The following MYO18B variants were observed in gnomAD, a reference collection of about 807,000 sequenced individuals.
MYO18B encodes the protein myosin XVIIIB.
In MYO18B, 204 loss-of-function variants were observed where a neutral mutation model predicts 273.0. That is an observed-to-expected ratio of 0.75 (90% CI 0.67 to 0.84). MYO18B has a LOEUF of 0.84. Ranked by LOEUF, MYO18B falls within the 40% of genes least tolerant of loss-of-function variation. The pLI, the probability that MYO18B is intolerant of heterozygous loss-of-function variation, is 0.00. For synonymous variants in MYO18B, 1,330 were observed against 1,305.7 expected, an observed-to-expected ratio of 1.02 and a Z score of -0.40; for missense variants, 3,212 against 3,287.6, an observed-to-expected ratio of 0.98 and a Z score of 0.56.
rs139515811 is a variant in MYO18B, at chr22:25,921,264, A to T, written c.5372A>T (p.His1791Leu). ...LIGTLCDQIG[H>L]RDFDVEKRLR... ...TCTCCCTTTGGCTTTCAGATTGGCC[A>T]TCGGGACTTTGATGTGGAGAAGCGA... Residue 1791 changes from histidine to leucine, a missense_variant, in exon 34 of 44, where the codon CAT becomes CTT. Transcript: ENST00000335473. 2 of 1,551,702 alleles carry T rather than the reference A, an allele frequency of 1.3e-6. No homozygotes were observed. Among genetic ancestry groups the T allele is most frequent in the African/African-American group, 2.7e-5 (2 of 73,192 alleles).
chr22:25,964,358 A>G (rs535986222), intron 39 of MYO18B: 2 of 152,312 alleles, frequency 1.3e-5, no homozygotes, highest in East Asian at 1.9e-4. Flanking sequence ...AGGTGAAGCA[A>G]TTTCTCCAAA....
intron 34 of MYO18B, among the ~76,000 whole-genome samples, chr22:25,924,698 G>A (rs1455517724): frequency 6.6e-6 from 1 of 152,188 alleles, no homozygotes; most frequent in Admixed American, 6.5e-5. Context: ...GAGGTTGTGA[G>A]CGAAGCGTGA....
chr22:25,863,136 T>C (rs971299636), intron 21 of MYO18B, among the ~76,000 whole-genome samples: 2 of 152,222 alleles, frequency 1.3e-5, no homozygotes, highest in Admixed American at 1.3e-4. Flanking sequence ...TTAATTTACT[T>C]TTCAAATGAA....
At chr22:25,929,249 G>A (rs535871920) in intron 34 of MYO18B, among the ~76,000 whole-genome samples, 3 of 151,828 alleles carry the variant, frequency 2.0e-5, no homozygotes, top group African/African-American at 7.3e-5. Flanking sequence ...GTCAGCTATT[G>A]GAAGATTTTA....
In MYO18B at chr22:25,763,434, A is replaced by G. The variant is rs370765615; in HGVS notation, c.198+45A>G. The G allele has an allele frequency of 2.3e-4, 355 of 1,577,394 alleles. No homozygotes were observed. The African/African-American group carries it at 4.6e-3, about 20-fold the overall frequency. On this transcript the variant is annotated intron_variant, in intron 3 of 43. Coordinates refer to ENST00000335473, the MANE Select transcript of MYO18B (RefSeq NM_032608.7). ...GAGGACCGTATGCGTTTCCATACCC[A>G]TCATTCTGTCTTGTGAGCTTCCTCT...
chr22:25,800,820 A>G (rs1440650890), intron 12 of MYO18B, among the ~76,000 whole-genome samples: 1 of 152,196 alleles, frequency 6.6e-6, no homozygotes, highest in Non-Finnish European at 1.5e-5. Flanking sequence ...GGGCTCAAGG[A>G]CCTGACCCAT....
the MYO18B span, among the ~76,000 whole-genome samples, chr22:26,041,820 A>G: frequency 6.6e-6 from 1 of 152,184 alleles, no homozygotes; most frequent in Non-Finnish European, 1.5e-5. Flanking sequence ...GGAAAGTTGG[A>G]ATGGAGAAAT....
At chr22:25,759,510 G>A (rs2086234627) in intron 1 of MYO18B, among the ~76,000 whole-genome samples, 1 of 152,114 alleles carries the variant, frequency 6.6e-6, no homozygotes, top group Non-Finnish European at 1.5e-5. Flanking sequence ...CACACACTGG[G>A]GCCTGTCGAG....
intron 25 of MYO18B, among the ~76,000 whole-genome samples, chr22:25,888,208 C>G (rs73407532): frequency 0.02 from 3,104 of 152,176 alleles, 114 homozygotes; most frequent in African/African-American, 0.069. Context: ...ATGTAGATTC[C>G]TGAATTATGC....
chr22:25,769,818 A>C (rs904924989), intron 4 of MYO18B, among the ~76,000 whole-genome samples: 1 of 152,092 alleles, frequency 6.6e-6, no homozygotes, highest in Non-Finnish European at 1.5e-5. Context: ...CTCTCATTTC[A>C]AAGGCCAGGA....
At chr22:25,839,609 G>A (rs927951503) in intron 17 of MYO18B, among the ~76,000 whole-genome samples, 3 of 152,138 alleles carry the variant, frequency 2.0e-5, no homozygotes, top group East Asian at 1.9e-4. Flanking sequence ...CCCTATAGGC[G>A]CCGAGCACAG....
chr22:25,822,306 G>C (rs2089312191), intron 12 of MYO18B, among the ~76,000 whole-genome samples: 1 of 152,172 alleles, frequency 6.6e-6, no homozygotes, highest in Non-Finnish European at 1.5e-5. Flanking sequence ...CACGTCTTCA[G>C]ATAGAACCCA....
At chr22:25,851,335 G>A (rs1473631647) in intron 20 of MYO18B, 135 bp from the exon 21 acceptor site, 25 of 633,770 alleles carry the variant, frequency 3.9e-5, no homozygotes, top group Non-Finnish European at 6.8e-5. Flanking sequence ...GGTCCCAAGA[G>A]ATGAGTCCAT....
chr22:26,061,997 A>G, the MYO18B span, among the ~76,000 whole-genome samples: 5 of 152,360 alleles, frequency 3.3e-5, 1 homozygote, highest in Admixed American at 2.6e-4. Flanking sequence ...ATAAGAGGCA[A>G]TTGAGACAGC....
chr22:25,794,740 A>G (rs1443504073), intron 11 of MYO18B, among the ~76,000 whole-genome samples: 6 of 148,318 alleles, frequency 4.0e-5, no homozygotes, highest in Non-Finnish European at 7.5e-5. Context: ...TCCTGACCTC[A>G]TGATCCATCC....
At chr22:25,889,002 G>A (rs1244006401) in intron 25 of MYO18B, among the ~76,000 whole-genome samples, 4 of 151,760 alleles carry the variant, frequency 2.6e-5, no homozygotes, top group Admixed American at 6.6e-5. Context: ...GTACAGAAAT[G>A]CATCACAAGA....
chr22:25,947,782 A>G lies in MYO18B; in HGVS notation c.5702A>G (p.Asp1901Gly), dbSNP rs2092732473. 6.2e-7 allele frequency: 1 copy of G among 1,613,940 alleles called. No homozygotes were observed. The highest frequency in any genetic ancestry group is 8.5e-7 in the Non-Finnish European group (1 of 1,179,886). ...DLLKRIDEDQ[D>G]DLNELMQKHK... ...CTGAAGCGCATCGATGAGGACCAGG[A>G]TGACCTGAATGAGCTGATGCAGAAG... Residue 1901 changes from aspartate (D) to glycine (G), a missense_variant, in exon 36 of 44, where the codon GAT becomes GGT. Coordinates refer to ENST00000335473, the MANE Select transcript of MYO18B (RefSeq NM_032608.7).
At chr22:25,794,406 T>G (rs1056397712) in intron 11 of MYO18B, among the ~76,000 whole-genome samples, 3 of 151,058 alleles carry the variant, frequency 2.0e-5, no homozygotes, top group African/African-American at 7.4e-5. Flanking sequence ...AGGGTCTCAC[T>G]CTTGCTCAGG....
intron 3 of MYO18B, among the ~76,000 whole-genome samples, chr22:25,766,613 C>G (rs1218874368): frequency 6.6e-6 from 1 of 152,036 alleles, no homozygotes; most frequent in Non-Finnish European, 1.5e-5. Context: ...ATGAGTAGAC[C>G]ATGGACAAGT....
Sources: gnomAD v4.1 joint callset for allele counts (sites outside exome capture counted in the v4.1 genomes callset) on GRCh38, gnomAD v4.1.1 for gene constraint, MANE v1.5 for transcripts, NCBI Gene and HGNC (gene_info 2026-07-23, HGNC 2026-07-21) for gene names.